The following ZNF529 variants were observed in gnomAD, a reference collection of about 807,000 sequenced individuals.
ZNF529 encodes the protein zinc finger protein 529.
A neutral mutation model predicts 10.1 loss-of-function variants in ZNF529; 11 were observed. The ratio of observed to expected loss-of-function variants is 1.09; its 90% CI spans 0.69 to 1.81. The LOEUF (loss-of-function observed/expected upper bound fraction) is 1.81, where lower values mean the gene tolerates loss of function less well. Among genes scored for constraint, ZNF529 ranks in the 40% most tolerant of loss-of-function variants. The pLI is 0.00. For missense variants in ZNF529, 624 were observed against 666.8 expected (o/e 0.94, Z 0.71); for synonymous variants, 204 against 215.7 (o/e 0.95, Z 0.47).
chr19:36,604,521 G>T (rs1447002546), intron 1 of ZNF529, among the ~76,000 whole-genome samples: 1 of 152,162 alleles, frequency 6.6e-6, no homozygotes, highest in Non-Finnish European at 1.5e-5. Flanking sequence ...GGCCCCAGAG[G>T]TTGGCGAGGC....
intron 2 of ZNF529, among the ~76,000 whole-genome samples, chr19:36,557,094 T>C (rs1019694070): frequency 1.4e-4 from 22 of 152,114 alleles, no homozygotes; most frequent in Admixed American, 1.2e-3. Context: ...TGTGAAGCAA[T>C]GTATACTCCA....
intron 1 of ZNF529, chr19:36,604,867 C>G (rs2036995050): frequency 6.6e-6 from 1 of 152,188 alleles, no homozygotes; most frequent in African/African-American, 2.4e-5. Flanking sequence ...GGCTGTGCAC[C>G]TGCTGTGCAC....
chr19:36,554,235 A>C (rs992800329), intron 4 of ZNF529, among the ~76,000 whole-genome samples: 12 of 152,242 alleles, frequency 7.9e-5, no homozygotes, highest in African/African-American at 2.7e-4. Context: ...CATTTGCAAC[A>C]CAACAATACT....
intron 2 of ZNF529, among the ~76,000 whole-genome samples, chr19:36,588,480 G>A (rs1038551088): frequency 6.6e-6 from 1 of 152,104 alleles, no homozygotes; most frequent in Non-Finnish European, 1.5e-5. Flanking sequence ...TAGGTGTGAT[G>A]GAAAGAGAGT....
intron 1 of ZNF529, among the ~76,000 whole-genome samples, chr19:36,596,035 G>T: frequency 1.6e-5 from 2 of 125,104 alleles, no homozygotes; most frequent in African/African-American, 5.9e-5. Flanking sequence ...CTCTTTTATT[G>T]ACCTTTTTAT....
chr19:36,551,392 C>T (rs2035251508), intron 4 of ZNF529, among the ~76,000 whole-genome samples: 1 of 152,134 alleles, frequency 6.6e-6, no homozygotes, highest in African/African-American at 2.4e-5. Flanking sequence ...CCATAAGAAA[C>T]ATGGTATCAG....
intron 1 of ZNF529, among the ~76,000 whole-genome samples, chr19:36,598,161 G>A (rs937359470): frequency 6.6e-6 from 1 of 152,190 alleles, no homozygotes; most frequent in Non-Finnish European, 1.5e-5. Flanking sequence ...GACTGGTTAT[G>A]CATCCTTATA....
intron 2 of ZNF529, among the ~76,000 whole-genome samples, chr19:36,562,241 T>G (rs1354418992): frequency 6.6e-6 from 1 of 152,048 alleles, no homozygotes; most frequent in Non-Finnish European, 1.5e-5. Context: ...AATGTCTGCC[T>G]TATTCCATTA....
chr19:36,570,030 C>T (rs2036040409), intron 2 of ZNF529, among the ~76,000 whole-genome samples: 1 of 152,110 alleles, frequency 6.6e-6, no homozygotes, highest in South Asian at 2.1e-4. Flanking sequence ...GGTCAGTGCA[C>T]AGAACCTTCA....
upstream of ZNF529, chr19:36,577,485 T>C (rs2036353430): frequency 6.3e-6 from 1 of 158,334 alleles, no homozygotes; most frequent in Non-Finnish European, 1.4e-5. Context: ...AGACAGAAGA[T>C]TGTACTCTCT....
At chr19:36,554,609 C>A in intron 4 of ZNF529, 61 bp downstream of exon 4, 8 of 1,351,420 alleles carry the variant, frequency 5.9e-6, no homozygotes, top group Non-Finnish European at 6.8e-6. Context: ...CTTGAGTTCA[C>A]TGAATATCAG....
intron 1 of ZNF529, among the ~76,000 whole-genome samples, chr19:36,572,621 T>C (rs2036167466): frequency 6.6e-6 from 1 of 152,188 alleles, no homozygotes; most frequent in Admixed American, 6.5e-5. Flanking sequence ...AATGTATAAA[T>C]GGCCTCCAAA....
intron 1 of ZNF529, 150 bp from the exon 2 acceptor site, chr19:36,572,542 C>A (rs1437897432): frequency 6.4e-6 from 4 of 627,478 alleles, no homozygotes; most frequent in Non-Finnish European, 8.5e-6. Context: ...TCCCCACATC[C>A]GAGAAAAAGG....
At chr19:36,590,905 T>C (rs1284648520) in intron 1 of ZNF529, among the ~76,000 whole-genome samples, 5 of 139,162 alleles carry the variant, frequency 3.6e-5, no homozygotes, top group Non-Finnish European at 7.7e-5. Context: ...ACTCTAGACT[T>C]GGCAACAGAG....
intron 4 of ZNF529, among the ~76,000 whole-genome samples, chr19:36,548,804 T>C (rs1218036001): frequency 6.6e-6 from 1 of 152,206 alleles, no homozygotes; most frequent in African/African-American, 2.4e-5. Context: ...GTGGGTTACC[T>C]GAGCTCAGAA....
intron 2 of ZNF529, chr19:36,581,733 C>A: frequency 6.2e-6 from 1 of 160,684 alleles, no homozygotes; most frequent in South Asian, 1.7e-4. Flanking sequence ...TATGCTAGCT[C>A]TCCCTTTGCC....
In ZNF529 at chr19:36,547,918, T is replaced by G; in HGVS notation, c.640A>C (p.Ser214Arg). The G allele has an allele frequency of 6.2e-7, 1 of 1,612,888 alleles. No individual in the cohort carries two copies. Among genetic ancestry groups the G allele is most frequent in the Non-Finnish European group, 8.5e-7 (1 of 1,179,456 alleles). Reference sequence around the variant, plus strand: ...GTATGAATATTCAGTTGTAACATACTGGAGTTATCTATCCCAAAGGTTTTC... The same window carrying G: ...GTATGAATATTCAGTTGTAACATACGGGAGTTATCTATCCCAAAGGTTTTC... The part of the protein sequence containing the change: ...CWKTFGIDNS[S>R]MLQLNIHTGV... Residue 214 changes from serine to arginine, a missense_variant, in exon 5 of 5, where the codon AGT (serine) becomes CGT (arginine). Coordinates refer to ENST00000591340, the MANE Select transcript of ZNF529 (RefSeq NM_020951.5).
chr19:36,588,259 G>A (rs1415140358), intron 2 of ZNF529, among the ~76,000 whole-genome samples: 1 of 152,170 alleles, frequency 6.6e-6, no homozygotes, highest in African/African-American at 2.4e-5. Context: ...CAATAAAGTG[G>A]TTTTAATGTG....
chr19:36,595,747 G>C lies in ZNF529; in HGVS notation c.-127-6046C>G, dbSNP rs150067429. On this transcript the variant is annotated intron_variant, in intron 1 of 4. Coordinates refer to the ZNF529 transcript ENST00000585960. ...AAGTAATTTGCCTAAATTTCAGTAA[G>C]TGTCAGACTTATATTCTCTAGTTGG... Among the ~76,000 whole-genome samples the C allele has an allele frequency of 3.4e-4, 51 of 152,224 alleles. 1 individual carries two copies. In the East Asian group the frequency reaches 9.7e-3, roughly 29 times the overall value.
Sources: gnomAD v4.1 joint callset for allele counts (sites outside exome capture counted in the v4.1 genomes callset) on GRCh38, gnomAD v4.1.1 for gene constraint, MANE v1.5 for transcripts, NCBI Gene and HGNC (gene_info 2026-07-23, HGNC 2026-07-21) for gene names.